Variants in TMEM132D observed in about 807,000 individuals in gnomAD.
TMEM132D encodes transmembrane protein 132D, also known as mature OL transmembrane protein.
In TMEM132D, 21 loss-of-function variants were observed where a neutral mutation model predicts 62.3. That is an observed-to-expected ratio of 0.34 (90% confidence interval 0.24 to 0.49). TMEM132D has a LOEUF of 0.49. TMEM132D is among the 20% of genes least tolerant of loss of function. TMEM132D has a pLI of 0.99. For synonymous variants in TMEM132D, 621 were observed against 575.6 expected, an observed-to-expected ratio of 1.08 and a Z score of -1.13; for missense variants, 1,346 against 1,402.8, an observed-to-expected ratio of 0.96 and a Z score of 0.65.
rs1313368158 is a variant in TMEM132D at position 129,371,756 on chromosome 12, T to C, written c.1116-33939A>G. 1.3e-5 allele frequency among the ~76,000 whole-genome samples: 2 copies of C among 152,180 alleles called. No homozygotes were observed. Among genetic ancestry groups the C allele is most frequent in the Non-Finnish European group, 2.9e-5 (2 of 68,032 alleles). ...TAGAACTGGAAAACATGGAAGTCTA[T>C]ACATAGCTTTACGTATCTGCTGAAC... On this transcript the variant is annotated intron_variant, in intron 3 of 8. Coordinates refer to ENST00000422113, the MANE Select transcript of TMEM132D (RefSeq NM_133448.3). This position sits in a 1 kb window ranked among gnomAD's most constrained non-coding sequence, Gnocchi z 4.3.
chr12:129,506,532 T>C lies in TMEM132D; in HGVS notation c.1115+24527A>G, dbSNP rs1875335594. On this transcript the variant is annotated intron_variant, in intron 3 of 8. Transcript: ENST00000422113. ...AGGCACACAGACCAATTGAACAGAA[T>C]AGAGAACCCAGAAATAAACCCAAAT... is the stretch of plus-strand genomic sequence containing the variant. Among the ~76,000 whole-genome samples the C allele has an allele frequency of 2.6e-5, 4 of 152,178 alleles. No homozygotes were observed. In the South Asian group the frequency reaches 8.3e-4, roughly 32 times the overall value.
intron 3 of TMEM132D, among the ~76,000 whole-genome samples, chr12:129,398,497 G>T (rs779416971): frequency 6.6e-6 from 1 of 152,152 alleles, no homozygotes; most frequent in Non-Finnish European, 1.5e-5. Context: ...TCCTTGGGCA[G>T]TACCAGGAAA....
intron 2 of TMEM132D, among the ~76,000 whole-genome samples, chr12:129,685,670 C>A (rs1880892124): frequency 6.6e-6 from 1 of 152,148 alleles, no homozygotes. Context: ...GCCAACTGTC[C>A]CCCAGACCCT....
intron 5 of TMEM132D, among the ~76,000 whole-genome samples, chr12:129,105,676 T>C (rs1049980834): frequency 2.0e-5 from 3 of 150,688 alleles, no homozygotes; most frequent in African/African-American, 7.5e-5. Context: ...ATTCTCACCA[T>C]CACTGGCCAT....
intron 1 of TMEM132D, among the ~76,000 whole-genome samples, chr12:129,896,289 T>C (rs552038039): frequency 6.6e-6 from 1 of 152,224 alleles, no homozygotes; most frequent in Non-Finnish European, 1.5e-5. Context: ...TGCTTGGCCT[T>C]GACTTTCCTG....
At chr12:129,496,099 C>T (rs961288727) in intron 3 of TMEM132D, among the ~76,000 whole-genome samples, 1 of 152,208 alleles carries the variant, frequency 6.6e-6, no homozygotes, top group Non-Finnish European at 1.5e-5. Context: ...ATTCACTTCA[C>T]TATTCCTCAT....
chr12:129,671,657 G>T (rs1047098478), intron 2 of TMEM132D, among the ~76,000 whole-genome samples: 1 of 152,162 alleles, frequency 6.6e-6, no homozygotes, highest in Admixed American at 6.5e-5. Flanking sequence ...ATGATGAGAG[G>T]TTGGGGTAGG....
At position 129,078,531 on chromosome 12, in the gene TMEM132D, T is replaced by C. The variant is rs754103161; in HGVS notation, c.2115+3A>G. ...GAAGTGTGTCTCAAGCCCTCCTCCA[T>C]ACCTGTTTTGGCCTCTGCAGAAGTT... On this transcript the variant is annotated splice_donor_region_variant and intron_variant, in intron 8 of 8. Transcript: ENST00000422113. 6.2e-7 allele frequency: 1 copy of C among 1,612,692 alleles called. No individual in the cohort carries two copies. Among genetic ancestry groups the C allele is most frequent in the Non-Finnish European group, 8.5e-7 (1 of 1,179,334 alleles).
chr12:129,347,013 C>T (rs993869200), intron 3 of TMEM132D, among the ~76,000 whole-genome samples: 8 of 152,020 alleles, frequency 5.3e-5, no homozygotes, highest in Non-Finnish European at 2.9e-5. Context: ...ACGTGAAGGA[C>T]CTCTTCAAGG....
chr12:129,185,128 G>A (rs1730349498), intron 5 of TMEM132D, among the ~76,000 whole-genome samples: 1 of 152,116 alleles, frequency 6.6e-6, no homozygotes, highest in African/African-American at 2.4e-5. Context: ...TGAACTGAAA[G>A]GTTAGAATTC....
At chr12:129,473,324 G>GTTTTTTTTT (rs751523415) in intron 3 of TMEM132D, among the ~76,000 whole-genome samples, 2,109 of 81,166 alleles carry the variant, frequency 0.026, 62 homozygotes, top group Middle Eastern at 0.076. Context: ...TTTAGTTTTT[G>GTTTTTTTTT]TTTTTTTTTT....
chr12:129,567,405 A>G (rs269161), intron 2 of TMEM132D, among the ~76,000 whole-genome samples: 83,730 of 151,942 alleles, frequency 0.55, 23,749 homozygotes, highest in East Asian at 0.92. Context: ...GCAACTAACT[A>G]TAAGAAGCCA....
chr12:129,467,060 A>G (rs573808905), intron 3 of TMEM132D, among the ~76,000 whole-genome samples: 3 of 152,332 alleles, frequency 2.0e-5, no homozygotes, highest in South Asian at 2.1e-4. Context: ...TAATAAAAAT[A>G]TACGTCAAAT....
intron 3 of TMEM132D, among the ~76,000 whole-genome samples, chr12:129,384,558 G>A (rs1871048912): frequency 6.6e-6 from 1 of 151,972 alleles, no homozygotes; most frequent in South Asian, 2.1e-4. Flanking sequence ...AGTGGCCCAG[G>A]AGGGACTTTA....
At chr12:129,771,722 T>C (rs1292542343) in intron 1 of TMEM132D, among the ~76,000 whole-genome samples, 1 of 152,222 alleles carries the variant, frequency 6.6e-6, no homozygotes, top group Non-Finnish European at 1.5e-5. Flanking sequence ...TAATCCCGGT[T>C]AACAATGGGA....
At chr12:129,714,319 C>A (rs1330756769) in intron 1 of TMEM132D, among the ~76,000 whole-genome samples, 1 of 152,204 alleles carries the variant, frequency 6.6e-6, no homozygotes, top group African/African-American at 2.4e-5. Flanking sequence ...ATGGTATTTT[C>A]TATTTTTTTC....
chr12:129,244,017 C>T (rs939564462), intron 4 of TMEM132D, among the ~76,000 whole-genome samples: 1 of 151,930 alleles, frequency 6.6e-6, no homozygotes, highest in Non-Finnish European at 1.5e-5. Context: ...CTGTGTTGGA[C>T]GGAGGTGCTA....
chr12:129,899,217 A>G (rs1875250069), intron 1 of TMEM132D, among the ~76,000 whole-genome samples: 1 of 135,836 alleles, frequency 7.4e-6, no homozygotes, highest in Non-Finnish European at 1.6e-5. Flanking sequence ...GGATGGGCAG[A>G]CAGACAGATG....
chr12:129,135,654 G>GT (rs34970458), intron 5 of TMEM132D, among the ~76,000 whole-genome samples: 102,967 of 151,504 alleles, frequency 0.68, 35,810 homozygotes, highest in Non-Finnish European at 0.75. Flanking sequence ...AGAACAAATA[G>GT]TTTTTTTTTG....
Sources: allele counts gnomAD v4.1 joint callset (sites outside exome capture counted in the v4.1 genomes callset), GRCh38; gene constraint gnomAD v4.1.1; non-coding constraint Gnocchi (gnomAD v3.1); transcripts MANE v1.5; gene names NCBI Gene and HGNC (gene_info 2026-07-23, HGNC 2026-07-21).